STXBP5: variants seen among roughly 807,000 people sequenced by gnomAD.
The protein encoded by STXBP5 is syntaxin-binding protein 5.
In STXBP5, 50 loss-of-function variants were observed where a neutral mutation model predicts 152.4. The ratio of observed to expected loss-of-function variants is 0.33; its 90% CI spans 0.26 to 0.42. STXBP5 has a LOEUF of 0.42. Among genes scored for constraint, STXBP5 ranks in the 10% least tolerant of loss-of-function variants. The pLI, the probability that STXBP5 is intolerant of heterozygous loss-of-function variation, is 1.00. For synonymous variants in STXBP5, 492 were observed against 494.7 expected, an observed-to-expected ratio of 0.99 and a Z score of 0.07; for missense variants, 1,167 against 1,388.6, an observed-to-expected ratio of 0.84 and a Z score of 2.54.
chr6:147,260,855 A>C, intron 5 of STXBP5, 106 bp downstream of exon 5: 1 of 1,332,072 alleles, frequency 7.5e-7, no homozygotes, highest in South Asian at 1.5e-5. Flanking sequence ...AATATGTGAC[A>C]GATGTTCTTA....
chr6:147,375,840 C>A (rs1174039634), intron 26 of STXBP5, among the ~76,000 whole-genome samples: 2 of 151,884 alleles, frequency 1.3e-5, no homozygotes, highest in East Asian at 3.9e-4. Context: ...GAGACTGATA[C>A]ATGACTTCTC....
chr6:147,323,453 G>A (rs147458086), intron 16 of STXBP5, among the ~76,000 whole-genome samples: 5,352 of 151,558 alleles, frequency 0.035, 144 homozygotes, highest in Admixed American at 0.053. Flanking sequence ...GTGCAGTGGT[G>A]CCATCTCAGC....
At chr6:147,230,090 A>AT (rs935185218) in intron 2 of STXBP5, among the ~76,000 whole-genome samples, 8 of 151,610 alleles carry the variant, frequency 5.3e-5, no homozygotes, top group East Asian at 1.9e-4. Context: ...TTTTTGTCAG[A>AT]TTTTTTTCTA....
In STXBP5 at chr6:147,204,498, C is replaced by T. The variant is rs376288379; in HGVS notation, c.-35C>T. The T allele has an allele frequency of 3.7e-6, 6 of 1,606,396 alleles. No individual in the cohort carries two copies. The African/African-American group carries it at 6.7e-5, about 18-fold the overall frequency. ...CCCCGCCCGGGGACCCCCTGTGCCTCCCCTCCCGGGCTGCGGGGGAGCCCC... is the reference window on the plus strand; with the variant it reads ...CCCCGCCCGGGGACCCCCTGTGCCTTCCCTCCCGGGCTGCGGGGGAGCCCC... On this transcript the variant is annotated 5_prime_UTR_variant, in exon 1 of 28. Transcript: ENST00000321680. This position sits in a 1 kb window ranked among gnomAD's most constrained non-coding sequence, Gnocchi z 4.3.
intron 4 of STXBP5, among the ~76,000 whole-genome samples, chr6:147,245,795 T>C (rs1275090774): frequency 2.0e-5 from 3 of 151,794 alleles, no homozygotes; most frequent in Non-Finnish European, 4.4e-5. Context: ...ATGAAGGAGG[T>C]AGAAACTGAG....
intron 21 of STXBP5, among the ~76,000 whole-genome samples, chr6:147,346,716 G>A (rs541781204): frequency 6.6e-6 from 1 of 152,104 alleles, no homozygotes; most frequent in Admixed American, 6.5e-5. Context: ...CTCCAGTGTG[G>A]GTGACAGGGT....
chr6:147,240,273 A>T, intron 4 of STXBP5, among the ~76,000 whole-genome samples: 1 of 152,070 alleles, frequency 6.6e-6, no homozygotes, highest in East Asian at 1.9e-4. Context: ...TATTTTTTAT[A>T]CTTAATCTTT....
chr6:147,210,609 C>G (rs1776798164), intron 2 of STXBP5, among the ~76,000 whole-genome samples: 1 of 152,118 alleles, frequency 6.6e-6, no homozygotes, highest in Non-Finnish European at 1.5e-5. Context: ...ATGTTGCCTC[C>G]CCTGTCAGTG....
intron 13 of STXBP5, 61 bp from the exon 14 acceptor site, chr6:147,314,535 C>A: frequency 6.5e-7 from 1 of 1,534,478 alleles, no homozygotes. Flanking sequence ...ATAGCAGTAC[C>A]CATTTAAAGA....
chr6:147,361,568 T>C (rs1257737836), intron 23 of STXBP5, among the ~76,000 whole-genome samples: 2 of 152,120 alleles, frequency 1.3e-5, no homozygotes, highest in South Asian at 2.1e-4. Flanking sequence ...GAGCCTAAAG[T>C]GGTCTACTTT....
intron 12 of STXBP5, 42 bp downstream of exon 12, chr6:147,314,073 T>C (rs777830660): frequency 1.3e-6 from 2 of 1,531,600 alleles, no homozygotes; most frequent in South Asian, 2.5e-5. Context: ...ATATTTCTTA[T>C]TTATTCTATA....
At position 147,388,592 on chromosome 6, in the gene STXBP5, G is replaced by A. The variant is rs909673946; in HGVS notation, c.*3837G>A. 2.6e-5 allele frequency: 4 copies of A among 150,966 alleles called. No homozygotes were observed. Among genetic ancestry groups the A allele is most frequent in the Non-Finnish European group, 3.0e-5 (2 of 67,476 alleles). The allele number at this position is 150,966 out of a possible 1,614,324, so 9.4% of individuals were successfully genotyped here. A position where few individuals can be genotyped will look rare whatever the true frequency, so the allele number is the denominator to read the frequency against. ...ATAAGAAATACTGGTATCTCATATCGAGATACAATTAATTTTAAAAAATCA... is the reference window on the plus strand; with the variant it reads ...ATAAGAAATACTGGTATCTCATATCAAGATACAATTAATTTTAAAAAATCA... On this transcript the variant is annotated 3_prime_UTR_variant, in exon 28 of 28. Transcript: ENST00000321680.
intron 8 of STXBP5, among the ~76,000 whole-genome samples, chr6:147,279,867 A>G (rs1780619892): frequency 6.6e-6 from 1 of 152,188 alleles, no homozygotes; most frequent in Non-Finnish European, 1.5e-5. Context: ...GGTTAGTTCA[A>G]AAATCTTTCA....
intron 8 of STXBP5, among the ~76,000 whole-genome samples, chr6:147,288,725 A>G (rs943599593): frequency 6.6e-5 from 10 of 152,148 alleles, no homozygotes; most frequent in Non-Finnish European, 1.5e-4. Flanking sequence ...GAGCATAAAG[A>G]AAAAAAGAGA....
chr6:147,212,356 T>C (rs548542978), intron 2 of STXBP5, among the ~76,000 whole-genome samples: 28 of 152,318 alleles, frequency 1.8e-4, no homozygotes, highest in African/African-American at 6.7e-4. Flanking sequence ...GTATGATTCA[T>C]TTGAAATTAC....
intron 9 of STXBP5, chr6:147,292,625 G>C (rs1473827093): frequency 6.7e-6 from 1 of 149,986 alleles, no homozygotes; most frequent in Non-Finnish European, 1.5e-5. Context: ...AGCAAAGAAA[G>C]AAAAACAGGA....
chr6:147,285,530 T>C (rs555776480), intron 8 of STXBP5, among the ~76,000 whole-genome samples: 1 of 152,110 alleles, frequency 6.6e-6, no homozygotes, highest in Non-Finnish European at 1.5e-5. Flanking sequence ...ATGATCACTC[T>C]AAACACTGCA....
intron 7 of STXBP5, among the ~76,000 whole-genome samples, chr6:147,271,909 C>T (rs1780191730): frequency 6.6e-6 from 1 of 151,916 alleles, no homozygotes; most frequent in Non-Finnish European, 1.5e-5. Flanking sequence ...ACGCAGATTA[C>T]CCATTATGGA....
intron 2 of STXBP5, 110 bp downstream of exon 2, chr6:147,206,178 A>T: frequency 1.2e-6 from 1 of 837,116 alleles, no homozygotes; most frequent in Non-Finnish European, 1.9e-6. Flanking sequence ...GTGTGATTAG[A>T]TATATACTAT....
Sources: gnomAD v4.1 joint callset for allele counts (sites outside exome capture counted in the v4.1 genomes callset) on GRCh38, gnomAD v4.1.1 for gene constraint, Gnocchi (gnomAD v3.1) non-coding constraint, MANE v1.5 for transcripts, NCBI Gene and HGNC (gene_info 2026-07-23, HGNC 2026-07-21) for gene names.